The following SPIRE1 variants were observed in gnomAD, a reference collection of about 807,000 sequenced individuals.
SPIRE1 encodes the protein protein spire homolog 1.
Under a neutral mutation model 94.1 loss-of-function variants are expected in SPIRE1, and 40 were observed. The observed-to-expected ratio is 0.43, with a 90% CI of 0.33 to 0.55. SPIRE1 has a LOEUF of 0.55. Ranked by LOEUF, SPIRE1 falls within the 20% of genes least tolerant of loss-of-function variation. The probability of loss-of-function intolerance (pLI) is 0.06; values close to 1 mark genes in which losing one functional copy is unlikely to be tolerated. For synonymous variants in SPIRE1, 376 were observed against 371.7 expected (o/e 1.01, Z -0.13); for missense variants, 838 against 975.2 (o/e 0.86, Z 1.87).
intron 2 of SPIRE1, among the ~76,000 whole-genome samples, chr18:12,563,207 A>T (rs76753583): frequency 9.8e-6 from 1 of 101,618 alleles, no homozygotes; most frequent in Non-Finnish European, 2.0e-5. Context: ...TATACTCATT[A>T]AAAAAAAAAA....
intron 4 of SPIRE1, among the ~76,000 whole-genome samples, chr18:12,528,242 A>G (rs901767469): frequency 6.6e-6 from 1 of 152,194 alleles, no homozygotes; most frequent in Non-Finnish European, 1.5e-5. Flanking sequence ...CAGGACTGAC[A>G]GTACAAACAT....
At chr18:12,545,823 G>A (rs1359740780) in intron 3 of SPIRE1, among the ~76,000 whole-genome samples, 1 of 152,122 alleles carries the variant, frequency 6.6e-6, no homozygotes, top group Non-Finnish European at 1.5e-5. Flanking sequence ...AAATACAGAG[G>A]TCAACTGAAG....
At chr18:12,542,378 A>AT (rs940516243) in intron 3 of SPIRE1, among the ~76,000 whole-genome samples, 5 of 152,338 alleles carry the variant, frequency 3.3e-5, no homozygotes, top group Admixed American at 1.3e-4. Context: ...ATTTCAAGTG[A>AT]TTAATAGTCA....
At chr18:12,540,412 G>A (rs1313319531) in intron 3 of SPIRE1, among the ~76,000 whole-genome samples, 14 of 151,952 alleles carry the variant, frequency 9.2e-5, no homozygotes, top group Non-Finnish European at 1.5e-5. Flanking sequence ...TTTCACTCTT[G>A]TTGCCCAGAC....
In SPIRE1 at chr18:12,450,610, A is replaced by C. The variant is rs149679881; in HGVS notation, c.2013-714T>G. ...AGAGGTGGAAGACAATGTCTGGGAA[A>C]GAGAAGTCTAAATTTGATGAAATGG... On this transcript the variant is annotated intron_variant, in intron 16 of 16. Transcript: ENST00000409402. 28 of 564,664 alleles carry C rather than the reference A, an allele frequency of 5.0e-5. No homozygotes were observed. The Middle Eastern group carries it at 8.4e-4, about 17-fold the overall frequency. 35.0% of individuals were successfully genotyped at this position (564,664 alleles called of 1,614,324 possible). A position where few individuals can be genotyped will look rare whatever the true frequency, so the allele number is the denominator to read the frequency against.
intron 10 of SPIRE1, among the ~76,000 whole-genome samples, chr18:12,477,318 G>A (rs1442487223): frequency 6.6e-6 from 1 of 152,078 alleles, no homozygotes; most frequent in African/African-American, 2.4e-5. Context: ...AGAGGTTCCT[G>A]GGCCCTTGAG....
At chr18:12,640,548 A>G (rs1226876425) in intron 1 of SPIRE1, among the ~76,000 whole-genome samples, 1 of 152,234 alleles carries the variant, frequency 6.6e-6, no homozygotes, top group African/African-American at 2.4e-5. Flanking sequence ...ATTTTATTGA[A>G]CACAGCCCCA....
intron 4 of SPIRE1, among the ~76,000 whole-genome samples, chr18:12,518,483 C>G (rs984493656): frequency 2.0e-5 from 3 of 150,866 alleles, no homozygotes; most frequent in Non-Finnish European, 4.4e-5. Flanking sequence ...AAGAGCAAGA[C>G]CCTGTCTCAC....
intron 2 of SPIRE1, among the ~76,000 whole-genome samples, chr18:12,609,358 A>C (rs1410882693): frequency 2.0e-5 from 3 of 152,194 alleles, no homozygotes; most frequent in Non-Finnish European, 4.4e-5. Context: ...GGAATCTTAC[A>C]AGCTGGTTGA....
At chr18:12,480,969 C>G (rs932714264) in intron 9 of SPIRE1, among the ~76,000 whole-genome samples, 1 of 152,112 alleles carries the variant, frequency 6.6e-6, no homozygotes, top group African/African-American at 2.4e-5. Context: ...ATGCTAAGTA[C>G]TAAAGTGAAA....
At chr18:12,661,498 G>A (rs1353661087), upstream of SPIRE1, 1 of 293,356 alleles carries the variant, frequency 3.4e-6, no homozygotes, top group Non-Finnish European at 5.1e-6. Context: ...GAGGCCAGGC[G>A]CAGTGGCTCA....
chr18:12,643,910 T>C (rs1598577182), intron 1 of SPIRE1, among the ~76,000 whole-genome samples: 1 of 151,714 alleles, frequency 6.6e-6, no homozygotes, highest in South Asian at 2.1e-4. Flanking sequence ...AAAGTCAAGC[T>C]GAGCACTGTG....
intron 1 of SPIRE1, chr18:12,656,738 C>G (rs745446871): frequency 1.0e-5 from 10 of 967,872 alleles, no homozygotes; most frequent in African/African-American, 3.5e-5. Context: ...TGAGTAAACC[C>G]TGGCTATAAA....
At chr18:12,503,329 C>G (rs1004103408) in intron 6 of SPIRE1, among the ~76,000 whole-genome samples, 5 of 152,288 alleles carry the variant, frequency 3.3e-5, no homozygotes, top group Non-Finnish European at 7.4e-5. Flanking sequence ...TCACAGCGCG[C>G]ATCCGACCTC....
chr18:12,599,461 G>A (rs1422099977), intron 2 of SPIRE1, among the ~76,000 whole-genome samples: 3 of 152,054 alleles, frequency 2.0e-5, no homozygotes, highest in Admixed American at 6.6e-5. Context: ...ATGGCATCTC[G>A]CTATGTTGCC....
chr18:12,494,484 C>G (rs895048153), intron 7 of SPIRE1, among the ~76,000 whole-genome samples: 9 of 151,532 alleles, frequency 5.9e-5, no homozygotes, highest in African/African-American at 2.2e-4. Context: ...GTCTCAGAAA[C>G]AAAAATAATA....
intron 2 of SPIRE1, among the ~76,000 whole-genome samples, chr18:12,552,402 G>A (rs2035377590): frequency 6.6e-6 from 1 of 152,144 alleles, no homozygotes; most frequent in Non-Finnish European, 1.5e-5. Context: ...CACTTGAAGA[G>A]AGGAGAGGGA....
intron 12 of SPIRE1, 148 bp downstream of exon 12, chr18:12,463,203 T>C: frequency 1.3e-6 from 1 of 798,558 alleles, no homozygotes; most frequent in East Asian, 2.7e-5. Flanking sequence ...CGCCTGGCTG[T>C]TTGTTTTCTT....
At chr18:12,596,938 C>G (rs2036688599) in intron 2 of SPIRE1, among the ~76,000 whole-genome samples, 1 of 148,532 alleles carries the variant, frequency 6.7e-6, no homozygotes, top group South Asian at 2.1e-4. Flanking sequence ...CTGCTAACCC[C>G]CTTCCTGTTT....
Sources: gnomAD v4.1 joint callset for allele counts (sites outside exome capture counted in the v4.1 genomes callset) on GRCh38, gnomAD v4.1.1 for gene constraint, MANE v1.5 for transcripts, NCBI Gene and HGNC (gene_info 2026-07-23, HGNC 2026-07-21) for gene names.